The following ZNF525 variants were observed in gnomAD, a reference collection of about 807,000 sequenced individuals.
ZNF525 encodes zinc finger protein 525.
In ZNF525, 33 loss-of-function variants were observed where a neutral mutation model predicts 37.6. The ratio of observed to expected loss-of-function variants is 0.88; its 90% CI spans 0.67 to 1.17. The LOEUF (loss-of-function observed/expected upper bound fraction) is 1.17, where lower values mean the gene tolerates loss of function less well. ZNF525 is among the 50% of genes most tolerant of loss of function. The pLI, the probability that ZNF525 is intolerant of heterozygous loss-of-function variation, is 0.00. For missense variants in ZNF525, 449 were observed against 543.1 expected, an observed-to-expected ratio of 0.83 and a Z score of 1.72; for synonymous variants, 170 against 182.3, an observed-to-expected ratio of 0.93 and a Z score of 0.54.
At position 53,383,562 on chromosome 19, in the gene ZNF525, C is replaced by T. The variant is rs1390808482; in HGVS notation, c.*1543C>T. 1 of 1,450,092 alleles carries T rather than the reference C, an allele frequency of 6.9e-7. No individual in the cohort carries two copies. Among genetic ancestry groups the T allele is most frequent in the Non-Finnish European group, 9.3e-7 (1 of 1,070,354 alleles). 89.8% of individuals were successfully genotyped at this position (1,450,092 alleles called of 1,614,324 possible). A position where few individuals can be genotyped will look rare whatever the true frequency, so the allele number is the denominator to read the frequency against. ...CCCAGAGTTCACACTGGAGAGAAAC[C>T]TTACAAGTGTAATGAGTGTGTCAAA... On this transcript the variant is annotated 3_prime_UTR_variant, in exon 4 of 4. Coordinates refer to ENST00000474037, the MANE Select transcript of ZNF525 (RefSeq NM_001348156.2).
In ZNF525 at chr19:53,383,123, C is replaced by G. The variant is rs992832487; in HGVS notation, c.*1104C>G. 3.0e-6 allele frequency: 4 copies of G among 1,316,806 alleles called. No homozygotes were observed. The highest frequency in any genetic ancestry group is 4.3e-6 in the Non-Finnish European group (4 of 929,478). The allele number at this position is 1,316,806 out of a possible 1,614,324, so 81.6% of individuals were successfully genotyped here. On this transcript the variant is annotated 3_prime_UTR_variant, in exon 4 of 4. Coordinates refer to ENST00000474037, the MANE Select transcript of ZNF525 (RefSeq NM_001348156.2). Reference sequence around the variant, plus strand: ...TCAACAAGCACACCTTGCACGTCATCATAGAACTCATACTGGAGAGAAACA... The same window carrying G: ...TCAACAAGCACACCTTGCACGTCATGATAGAACTCATACTGGAGAGAAACA...
In ZNF525 at chr19:53,382,301, T is replaced by C; in HGVS notation, c.*282T>C. ...TTACATGCCATCATAGACTTCATAC[T>C]GGAGAGAAACCTTACAAATGTGAAG... is the stretch of plus-strand genomic sequence containing the variant. On this transcript the variant is annotated 3_prime_UTR_variant, in exon 4 of 4. Coordinates refer to ENST00000474037, the MANE Select transcript of ZNF525 (RefSeq NM_001348156.2). The C allele has an allele frequency of 7.1e-7, 1 of 1,404,108 alleles. No homozygotes were observed. The highest frequency in any genetic ancestry group is 1.2e-5 in the South Asian group (1 of 86,710). The allele number at this position is 1,404,108 out of a possible 1,614,324, so 87.0% of individuals were successfully genotyped here.
chr19:53,372,610 A>T lies in ZNF525; in HGVS notation c.15+314A>T, dbSNP rs552279816. Among the ~76,000 whole-genome samples the T allele has an allele frequency of 9.8e-5, 15 of 152,298 alleles. No individual in the cohort carries two copies. The South Asian group carries it at 2.3e-3, about 23-fold the overall frequency. On this transcript the variant is annotated intron_variant, in intron 2 of 3. Transcript: ENST00000474037. Reference sequence around the variant, plus strand: ...TTGTTCAGGGGCCACATCTGGATGCACTGTCAGCTCTCTGTGGACCAGGAT... The same window carrying T: ...TTGTTCAGGGGCCACATCTGGATGCTCTGTCAGCTCTCTGTGGACCAGGAT...
intron 3 of ZNF525, among the ~76,000 whole-genome samples, chr19:53,376,772 A>G (rs1042311443): frequency 6.6e-6 from 1 of 152,172 alleles, no homozygotes; most frequent in African/African-American, 2.4e-5. Context: ...GGAGTTCAAA[A>G]CCAGCCTGTC....
At chr19:53,376,787 G>A (rs896943075) in intron 3 of ZNF525, among the ~76,000 whole-genome samples, 1 of 152,068 alleles carries the variant, frequency 6.6e-6, no homozygotes, top group Non-Finnish European at 1.5e-5. Context: ...CCTGTCTAAC[G>A]TGGTGAAACT....
At chr19:53,378,867 A>G (rs564464758) in intron 3 of ZNF525, among the ~76,000 whole-genome samples, 7 of 152,376 alleles carry the variant, frequency 4.6e-5, no homozygotes, top group African/African-American at 1.2e-4. Flanking sequence ...TTTGGCCAAT[A>G]CAAACATTCA....
At chr19:53,379,696 T>C (rs2085545566) in intron 3 of ZNF525, among the ~76,000 whole-genome samples, 1 of 152,348 alleles carries the variant, frequency 6.6e-6, no homozygotes, top group African/African-American at 2.4e-5. Flanking sequence ...CTGACACAGT[T>C]TACTAGTTAA....
chr19:53,374,738 A>C (rs756912974), intron 2 of ZNF525, among the ~76,000 whole-genome samples: 1 of 152,220 alleles, frequency 6.6e-6, no homozygotes, highest in Non-Finnish European at 1.5e-5. Context: ...AACAACTTTT[A>C]CATTTTGAAA....
chr19:53,372,230 A>G lies in ZNF525; in HGVS notation c.-52A>G. ...TATCACTCAGGATTGACATCTAAAG[A>G]CTCTTGGTACATGAGGAAGAAACCC... On this transcript the variant is annotated 5_prime_UTR_variant, in exon 2 of 4. Transcript: ENST00000474037. 1 of 718,950 alleles carries G rather than the reference A, an allele frequency of 1.4e-6. No individual in the cohort carries two copies. Among genetic ancestry groups the G allele is most frequent in the Non-Finnish European group, 2.5e-6 (1 of 399,428 alleles). 44.5% of individuals were successfully genotyped at this position (718,950 alleles called of 1,614,324 possible). A position where few individuals can be genotyped will look rare whatever the true frequency, so the allele number is the denominator to read the frequency against.
chr19:53,385,373 T>G lies in ZNF525; in HGVS notation c.*3354T>G, dbSNP rs2708712. ...AAGCAATATAAATTCTGATGAAATTTAAACAAGAAGAAACATTAAATTTAT... is the reference window on the plus strand; with the variant it reads ...AAGCAATATAAATTCTGATGAAATTGAAACAAGAAGAAACATTAAATTTAT... On this transcript the variant is annotated 3_prime_UTR_variant, in exon 4 of 4. Coordinates refer to ENST00000474037, the MANE Select transcript of ZNF525 (RefSeq NM_001348156.2). 119,133 of 165,722 alleles carry G rather than the reference T, an allele frequency of 0.72. 43,014 individuals are homozygous for G. Among genetic ancestry groups the G allele is most frequent in the Admixed American group, 0.77 (12,102 of 15,650 alleles). 10.3% of individuals were successfully genotyped at this position (165,722 alleles called of 1,614,324 possible). A position where few individuals can be genotyped will look rare whatever the true frequency, so the allele number is the denominator to read the frequency against.
chr19:53,379,944 G>A (rs1458339413), intron 3 of ZNF525, among the ~76,000 whole-genome samples: 1 of 152,114 alleles, frequency 6.6e-6, no homozygotes, highest in Non-Finnish European at 1.5e-5. Flanking sequence ...GGAGGTTGCA[G>A]TGAGCTGAGA....
intron 2 of ZNF525, among the ~76,000 whole-genome samples, chr19:53,373,232 A>T (rs932581073): frequency 2.0e-5 from 3 of 152,086 alleles, no homozygotes; most frequent in African/African-American, 7.2e-5. Flanking sequence ...AGCTGAGATT[A>T]TAGGCATGCA....
chr19:53,366,923 C>A (rs1292535480), intron 1 of ZNF525, among the ~76,000 whole-genome samples: 2 of 148,188 alleles, frequency 1.3e-5, no homozygotes, highest in Non-Finnish European at 3.0e-5. Flanking sequence ...ATTTAAGGTA[C>A]ACAGCGGCTC....
Position 53,382,124 on chromosome 19 carries a change from A to G in ZNF525, c.*105A>G, listed in dbSNP as rs1274219271. 6.4e-6 allele frequency: 10 copies of G among 1,571,702 alleles called. No individual in the cohort carries two copies. The South Asian group carries it at 1.0e-4, about 16-fold the overall frequency. On this transcript the variant is annotated 3_prime_UTR_variant, in exon 4 of 4. Transcript: ENST00000474037. ...CGTCATCCATTGTATACCATCATAA[A>G]TTTCATAGTGGAGAGAAACCTTACA...
In ZNF525 at chr19:53,378,691, C is replaced by A. The variant is rs1171282807; in HGVS notation, c.143-2031C>A. Among the ~76,000 whole-genome samples, 8 of 152,160 alleles carry A rather than the reference C, an allele frequency of 5.3e-5. No individual in the cohort carries two copies. The South Asian group carries it at 6.2e-4, about 12-fold the overall frequency. On this transcript the variant is annotated intron_variant, in intron 3 of 3. Coordinates refer to ENST00000474037, the MANE Select transcript of ZNF525 (RefSeq NM_001348156.2). Reference sequence around the variant, plus strand: ...TGGTTTAGCCCAGCCATCTTCCTGCCATGTCCTGACATGGTGGAAACAGGA... The same window carrying A: ...TGGTTTAGCCCAGCCATCTTCCTGCAATGTCCTGACATGGTGGAAACAGGA...
At chr19:53,374,796 G>T (rs202216985) in intron 2 of ZNF525, among the ~76,000 whole-genome samples, 2 of 152,096 alleles carry the variant, frequency 1.3e-5, no homozygotes, top group Non-Finnish European at 2.9e-5. Context: ...GTTTTTTTGT[G>T]AGTCTGTGTA....
Position 53,385,139 on chromosome 19 carries a change from T to C in ZNF525, c.*3120T>C, listed in dbSNP as rs970066619. 4.9e-5 allele frequency: 26 copies of C among 528,904 alleles called. No homozygotes were observed. The highest frequency in any genetic ancestry group is 8.0e-5 in the Non-Finnish European group (24 of 300,394). The allele number at this position is 528,904 out of a possible 1,614,324, so 32.8% of individuals were successfully genotyped here. On this transcript the variant is annotated 3_prime_UTR_variant, in exon 4 of 4. Coordinates refer to ENST00000474037, the MANE Select transcript of ZNF525 (RefSeq NM_001348156.2). ...AATAACTGGCACTTGAATATCTACATTTTTTTAATATCCTCTTGAATACAG... is the reference window on the plus strand; with the variant it reads ...AATAACTGGCACTTGAATATCTACACTTTTTTAATATCCTCTTGAATACAG...
intron 1 of ZNF525, among the ~76,000 whole-genome samples, chr19:53,369,307 A>G (rs1228573632): frequency 1.3e-5 from 2 of 152,068 alleles, no homozygotes; most frequent in African/African-American, 4.8e-5. Flanking sequence ...CAATGGCACA[A>G]TCTTGGCCCA....
intron 2 of ZNF525, among the ~76,000 whole-genome samples, chr19:53,373,642 A>C (rs1295900130): frequency 6.7e-6 from 1 of 149,690 alleles, no homozygotes; most frequent in Non-Finnish European, 1.5e-5. Context: ...AAAATTCTGC[A>C]GTAAATTACA....
Sources: gnomAD v4.1 joint callset for allele counts (sites outside exome capture counted in the v4.1 genomes callset) on GRCh38, gnomAD v4.1.1 for gene constraint, MANE v1.5 for transcripts, NCBI Gene and HGNC (gene_info 2026-07-23, HGNC 2026-07-21) for gene names.